NLGN1: variants seen among roughly 807,000 people sequenced by gnomAD.
NLGN1 encodes neuroligin-1.
A neutral mutation model predicts 65.5 loss-of-function variants in NLGN1; 12 were observed. The ratio of observed to expected loss-of-function variants is 0.18; its 90% CI spans 0.12 to 0.30. The LOEUF (loss-of-function observed/expected upper bound fraction) is 0.30, where lower values mean the gene tolerates loss of function less well. Among genes scored for constraint, NLGN1 ranks in the 10% least tolerant of loss-of-function variants. NLGN1 has a pLI of 1.00. For missense variants in NLGN1, 750 were observed against 1,007.1 expected, an observed-to-expected ratio of 0.74 and a Z score of 3.46; for synonymous variants, 350 against 359.5, an observed-to-expected ratio of 0.97 and a Z score of 0.30.
chr3:173,437,401 A>G (rs527510680), intron 2 of NLGN1, among the ~76,000 whole-genome samples: 1 of 152,300 alleles, frequency 6.6e-6, no homozygotes, highest in Non-Finnish European at 1.5e-5. Flanking sequence ...ATGAAGGAAG[A>G]TGAGGCTTTT....
chr3:174,204,246 A>G (rs1043343501), intron 4 of NLGN1, among the ~76,000 whole-genome samples: 10 of 152,182 alleles, frequency 6.6e-5, no homozygotes, highest in Non-Finnish European at 1.5e-4. Context: ...TTCCAGAGCA[A>G]TTTTGTTGTT....
intron 3 of NLGN1, among the ~76,000 whole-genome samples, chr3:173,797,477 T>A (rs946923455): frequency 6.6e-6 from 1 of 152,104 alleles, no homozygotes; most frequent in South Asian, 2.1e-4. Context: ...TTGGGATAAC[T>A]GGACTTAATC....
At chr3:174,064,020 T>C (rs1281971890) in intron 4 of NLGN1, among the ~76,000 whole-genome samples, 1 of 152,082 alleles carries the variant, frequency 6.6e-6, no homozygotes, top group Non-Finnish European at 1.5e-5. Flanking sequence ...CAGGAGCCTG[T>C]AATCCCAGCT....
At chr3:173,662,664 T>C (rs1357254729) in intron 3 of NLGN1, among the ~76,000 whole-genome samples, 3 of 152,022 alleles carry the variant, frequency 2.0e-5, no homozygotes, top group Non-Finnish European at 2.9e-5. Context: ...CATTAGCATA[T>C]GATTTCATCA....
intron 2 of NLGN1, among the ~76,000 whole-genome samples, chr3:173,465,705 A>G (rs1724233087): frequency 1.3e-5 from 2 of 152,228 alleles, no homozygotes; most frequent in South Asian, 4.1e-4. Flanking sequence ...TAAACTTTGC[A>G]TAAATCCTAT....
intron 3 of NLGN1, among the ~76,000 whole-genome samples, chr3:173,726,917 C>T (rs1335594811): frequency 2.9e-5 from 4 of 137,330 alleles, no homozygotes; most frequent in Admixed American, 8.0e-5. Flanking sequence ...AAGCAACTTG[C>T]GATTCACTTT....
In NLGN1 at chr3:173,730,325, C is replaced by CCG. The variant is rs943735631; in HGVS notation, c.494-77354_494-77353insGC. On this transcript the variant is annotated intron_variant, in intron 3 of 6. Transcript: ENST00000457714. ...TAACACACTACTGCCCCACCGCTCC[C>CCG]CCCCCCCCGCAAAAATAGAATGAAA... is the stretch of plus-strand genomic sequence containing the variant. Among the ~76,000 whole-genome samples, 5 of 23,902 alleles carry CCG rather than the reference C, an allele frequency of 2.1e-4. 1 individual carries two copies. The highest frequency in any genetic ancestry group is 3.6e-4 in the African/African-American group (4 of 11,128). The allele number at this position is 23,902 out of a possible 152,430, so 15.7% of individuals were successfully genotyped here. A position where few individuals can be genotyped will look rare whatever the true frequency, so the allele number is the denominator to read the frequency against.
At chr3:174,293,212 G>A in the NLGN1 span, among the ~76,000 whole-genome samples, 1 of 151,476 alleles carries the variant, frequency 6.6e-6, no homozygotes, top group Non-Finnish European at 1.5e-5. Flanking sequence ...GATGGTGCAT[G>A]TGGAGGTTTT....
intron 2 of NLGN1, among the ~76,000 whole-genome samples, chr3:173,480,371 C>A (rs915407541): frequency 1.3e-5 from 2 of 151,744 alleles, no homozygotes; most frequent in Non-Finnish European, 2.9e-5. Flanking sequence ...GAATAGAAAA[C>A]GTAAAATAAA....
At chr3:173,944,259 T>C (rs1480970771) in intron 4 of NLGN1, among the ~76,000 whole-genome samples, 4 of 152,022 alleles carry the variant, frequency 2.6e-5, no homozygotes, top group African/African-American at 9.7e-5. Context: ...TATTTTAGTT[T>C]ATGGTAATTC....
intron 4 of NLGN1, among the ~76,000 whole-genome samples, chr3:173,986,237 G>T (rs1024536655): frequency 2.6e-5 from 4 of 152,076 alleles, no homozygotes; most frequent in Non-Finnish European, 4.4e-5. Context: ...GGGAGGCCAA[G>T]GTGGGCGGAT....
chr3:174,098,764 CAA>C (rs551462443), intron 4 of NLGN1, among the ~76,000 whole-genome samples: 70 of 152,210 alleles, frequency 4.6e-4, no homozygotes, highest in South Asian at 8.3e-4. Flanking sequence ...CCTTGAGTAA[CAA>C]GAGTATAATC....
At chr3:173,891,812 G>C (rs1473986880) in intron 4 of NLGN1, among the ~76,000 whole-genome samples, 1 of 152,156 alleles carries the variant, frequency 6.6e-6, no homozygotes, top group African/African-American at 2.4e-5. Flanking sequence ...AAACTCTCCA[G>C]CTCTGTCCTA....
intron 2 of NLGN1, among the ~76,000 whole-genome samples, chr3:173,532,067 T>A (rs553229876): frequency 6.6e-6 from 1 of 152,348 alleles, no homozygotes; most frequent in South Asian, 2.1e-4. Flanking sequence ...ATTTGGCCTC[T>A]TAACTCATGA....
intron 4 of NLGN1, among the ~76,000 whole-genome samples, chr3:174,066,935 G>C (rs977686521): frequency 1.7e-4 from 26 of 152,048 alleles, no homozygotes; most frequent in African/African-American, 5.3e-4. Flanking sequence ...TTCTCAGACT[G>C]TGATGCTCTT....
intron 4 of NLGN1, among the ~76,000 whole-genome samples, chr3:173,981,898 A>G (rs1178691157): frequency 2.6e-5 from 4 of 152,086 alleles, no homozygotes; most frequent in African/African-American, 7.2e-5. Flanking sequence ...CTAGCAATCA[A>G]CTTCCAAGCT....
At chr3:174,233,112 A>C (rs1305422992) in intron 4 of NLGN1, among the ~76,000 whole-genome samples, 1 of 152,222 alleles carries the variant, frequency 6.6e-6, no homozygotes, top group Non-Finnish European at 1.5e-5. Context: ...GCAGCAAGAC[A>C]GGAAGATCTT....
At chr3:173,408,202 C>T (rs1297776224) in intron 1 of NLGN1, among the ~76,000 whole-genome samples, 1 of 152,170 alleles carries the variant, frequency 6.6e-6, no homozygotes, top group Non-Finnish European at 1.5e-5. Context: ...CTGCCTCACA[C>T]AATATGTCTT....
intron 4 of NLGN1, among the ~76,000 whole-genome samples, chr3:174,237,325 T>C (rs1184117345): frequency 6.6e-6 from 1 of 152,200 alleles, no homozygotes. Flanking sequence ...TTCATTTGTC[T>C]ATCCAAAAAC....
Sources: allele counts gnomAD v4.1 joint callset (sites outside exome capture counted in the v4.1 genomes callset), GRCh38; gene constraint gnomAD v4.1.1; transcripts MANE v1.5; gene names NCBI Gene and HGNC (gene_info 2026-07-23, HGNC 2026-07-21).